The following COP1 variants were observed in gnomAD, a reference collection of about 807,000 sequenced individuals.
COP1 encodes the protein COP1 E3 ubiquitin ligase.
In COP1, 24 loss-of-function variants were observed where a neutral mutation model predicts 101.3. The observed-to-expected ratio is 0.24, with a 90% CI of 0.17 to 0.33. The LOEUF is 0.33. Ranked by LOEUF, COP1 falls within the 10% of genes least tolerant of loss-of-function variation. The probability of loss-of-function intolerance (pLI) is 1.00; values close to 1 mark genes in which losing one functional copy is unlikely to be tolerated. For synonymous variants in COP1, 347 were observed against 341.9 expected (o/e 1.01, Z -0.17); for missense variants, 663 against 906.2 (o/e 0.73, Z 3.45).
At chr1:176,012,945 T>C (rs1024964768) in intron 15 of COP1, among the ~76,000 whole-genome samples, 72 of 152,308 alleles carry the variant, frequency 4.7e-4, no homozygotes, top group Middle Eastern at 3.4e-3. Flanking sequence ...CATTATGTAG[T>C]CCCTAGGTAT....
At chr1:176,200,597 C>T (rs1283098625) in intron 1 of COP1, among the ~76,000 whole-genome samples, 1 of 152,032 alleles carries the variant, frequency 6.6e-6, no homozygotes, top group East Asian at 1.9e-4. Flanking sequence ...AGATCACCTA[C>T]TGCATTCTAT....
intron 11 of COP1, among the ~76,000 whole-genome samples, chr1:176,057,992 TG>T (rs1673954067): frequency 4.8e-5 from 4 of 83,698 alleles, no homozygotes; most frequent in Admixed American, 1.1e-4. Flanking sequence ...CCGCCCCGTC[TG>T]AGAGGTGAGG....
intron 2 of COP1, 48 bp from the exon 3 acceptor site, chr1:176,176,055 T>G (rs532278855): frequency 1.2e-6 from 1 of 869,368 alleles, no homozygotes; most frequent in South Asian, 1.5e-5. Flanking sequence ...CAATGAAAAA[T>G]TAATAAACTG....
chr1:175,997,423 C>T (rs1304137283), intron 15 of COP1, among the ~76,000 whole-genome samples: 2 of 151,922 alleles, frequency 1.3e-5, no homozygotes, highest in Non-Finnish European at 2.9e-5. Flanking sequence ...TAAAGAGCTT[C>T]TGCACAGCAA....
intron 11 of COP1, among the ~76,000 whole-genome samples, chr1:176,061,579 T>A (rs1164699029): frequency 6.6e-6 from 1 of 152,102 alleles, no homozygotes; most frequent in African/African-American, 2.4e-5. Flanking sequence ...TCAGCCGTGA[T>A]CACGCCATTG....
intron 17 of COP1, among the ~76,000 whole-genome samples, chr1:175,987,409 A>C (rs1657380579): frequency 1.3e-5 from 2 of 152,154 alleles, no homozygotes; most frequent in African/African-American, 4.8e-5. Flanking sequence ...GGGTTTTGTC[A>C]TTACTTTTAA....
chr1:176,028,375 G>T (rs1343787957), intron 14 of COP1, among the ~76,000 whole-genome samples: 1 of 151,626 alleles, frequency 6.6e-6, no homozygotes, highest in African/African-American at 2.4e-5. Flanking sequence ...GACTAGCGTG[G>T]GCAACATGGT....
intron 1 of COP1, among the ~76,000 whole-genome samples, chr1:176,192,865 T>C (rs1321772241): frequency 6.6e-6 from 1 of 152,184 alleles, no homozygotes; most frequent in African/African-American, 2.4e-5. Flanking sequence ...CCTACTTTGA[T>C]TTTTAAGATT....
chr1:176,178,763 G>T (rs1160642216), intron 2 of COP1, among the ~76,000 whole-genome samples: 1 of 152,026 alleles, frequency 6.6e-6, no homozygotes, highest in Non-Finnish European at 1.5e-5. Flanking sequence ...TGAGGCAGGA[G>T]AATCGCTTGA....
chr1:176,180,118 C>T (rs1697545631), intron 2 of COP1, among the ~76,000 whole-genome samples: 1 of 152,138 alleles, frequency 6.6e-6, no homozygotes, highest in Non-Finnish European at 1.5e-5. Flanking sequence ...GTACTTATTT[C>T]TGTATGTGCC....
intron 9 of COP1, among the ~76,000 whole-genome samples, chr1:176,098,116 C>T (rs1425159220): frequency 6.6e-6 from 1 of 152,004 alleles, no homozygotes; most frequent in Non-Finnish European, 1.5e-5. Context: ...TATAACCTGC[C>T]TTTTTTGGTT....
At chr1:176,169,125 CTTAA>C (rs1214257498) in intron 3 of COP1, among the ~76,000 whole-genome samples, 2 of 152,098 alleles carry the variant, frequency 1.3e-5, no homozygotes, top group African/African-American at 2.4e-5. Flanking sequence ...GTCCCATCAA[CTTAA>C]TTAATATAAA....
At chr1:175,951,237 A>G (rs938360799) in intron 18 of COP1, among the ~76,000 whole-genome samples, 2 of 151,838 alleles carry the variant, frequency 1.3e-5, no homozygotes, top group African/African-American at 4.8e-5. Context: ...CAACAAGAGC[A>G]AAACTCCATC....
At chr1:176,128,373 C>T (rs1050188816) in intron 8 of COP1, among the ~76,000 whole-genome samples, 2 of 151,910 alleles carry the variant, frequency 1.3e-5, no homozygotes, top group African/African-American at 4.8e-5. Context: ...TGGAAGTTTG[C>T]TTCCTGTGTT....
At chr1:176,067,948 G>A (rs1676302821) in intron 11 of COP1, among the ~76,000 whole-genome samples, 1 of 152,136 alleles carries the variant, frequency 6.6e-6, no homozygotes, top group African/African-American at 2.4e-5. Context: ...GAGCAGCAGG[G>A]CACCAAAGAA....
At position 176,136,439 on chromosome 1, in the gene COP1, C is replaced by T. The variant is rs771891057; in HGVS notation, c.891+49G>A. The T allele has an allele frequency of 7.7e-6, 10 of 1,299,386 alleles. No homozygotes were observed. In the Admixed American group the frequency reaches 1.7e-4, roughly 22 times the overall value. 80.5% of individuals were successfully genotyped at this position (1,299,386 alleles called of 1,614,324 possible). ...CAACTTAATGGAAAGGTGACAATTT[C>T]ATGAAATTGAAAAATTGCTAAGGAT... On this transcript the variant is annotated intron_variant, in intron 7 of 19. Transcript: ENST00000367669.
intron 15 of COP1, among the ~76,000 whole-genome samples, chr1:176,023,712 C>A (rs1363737338): frequency 1.5e-5 from 2 of 130,534 alleles, no homozygotes; most frequent in Non-Finnish European, 3.2e-5. Flanking sequence ...GAGTGAAACT[C>A]CATCTCAAAA....
At chr1:176,141,581 A>T (rs1690690349) in intron 6 of COP1, among the ~76,000 whole-genome samples, 1 of 152,146 alleles carries the variant, frequency 6.6e-6, no homozygotes. Context: ...AAAACAAAGC[A>T]TTTAGCCATA....
intron 11 of COP1, among the ~76,000 whole-genome samples, chr1:176,056,923 A>G (rs1673605790): frequency 1.3e-5 from 2 of 152,206 alleles, no homozygotes; most frequent in African/African-American, 4.8e-5. Context: ...TTCTACTCTG[A>G]GCAAAGGATA....
Sources: gnomAD v4.1 joint callset for allele counts (sites outside exome capture counted in the v4.1 genomes callset) on GRCh38, gnomAD v4.1.1 for gene constraint, MANE v1.5 for transcripts, NCBI Gene and HGNC (gene_info 2026-07-23, HGNC 2026-07-21) for gene names.